DNAH14: variants seen among roughly 807,000 people sequenced by gnomAD.
The protein encoded by DNAH14 is dynein axonemal heavy chain 14.
DNAH14 carries 478 observed loss-of-function variants against 520.9 expected under a neutral mutation model. That is an observed-to-expected ratio of 0.92 (90% CI 0.85 to 0.99). The LOEUF (loss-of-function observed/expected upper bound fraction) is 0.99. Ranked by LOEUF, DNAH14 falls within the 50% of genes least tolerant of loss-of-function variation. The pLI is 0.00. For synonymous variants in DNAH14, 1,581 were observed against 1,757.2 expected, an observed-to-expected ratio of 0.90 and a Z score of 2.51; for missense variants, 4,831 against 5,234.5, an observed-to-expected ratio of 0.92 and a Z score of 2.38.
At chr1:225,179,099 T>G (rs931588858) in intron 36 of DNAH14, among the ~76,000 whole-genome samples, 14 of 152,222 alleles carry the variant, frequency 9.2e-5, no homozygotes, top group Non-Finnish European at 1.9e-4. Flanking sequence ...TGCCCAGTCT[T>G]GGATATGTCC....
intron 3 of DNAH14, among the ~76,000 whole-genome samples, chr1:224,959,421 T>C (rs2060711048): frequency 6.6e-6 from 1 of 152,180 alleles, no homozygotes; most frequent in Non-Finnish European, 1.5e-5. Flanking sequence ...TAAAACTTAC[T>C]GTTTATTTCA....
intron 1 of DNAH14, among the ~76,000 whole-genome samples, chr1:224,948,293 C>G (rs1419743688): frequency 6.6e-6 from 1 of 151,476 alleles, no homozygotes; most frequent in South Asian, 2.1e-4. Flanking sequence ...TTTTATTTTC[C>G]TGGCAAAATG....
Position 225,307,499 on chromosome 1 carries a change from C to A in DNAH14, c.9044C>A (p.Ala3015Glu). Residue 3015 changes from alanine to glutamate, a missense_variant, in exon 59 of 86, where the codon GCA becomes GAA. By Grantham distance (107) the Ala-to-Glu change is moderately radical (BLOSUM62 -1). Coordinates refer to ENST00000682510, the MANE Select transcript of DNAH14 (RefSeq NM_001367479.1). ...ATGGGTCTATCCACAATCCTGGAAGCAACCACTCTAGTTACAGAAATGCAA... is the reference window on the plus strand; with the variant it reads ...ATGGGTCTATCCACAATCCTGGAAGAAACCACTCTAGTTACAGAAATGCAA... ...FHMGLSTILE[A>E]TTLVTEMQEE... The A allele has an allele frequency of 6.5e-7, 1 of 1,548,194 alleles. No homozygotes were observed. Among genetic ancestry groups the A allele is most frequent in the Non-Finnish European group, 8.7e-7 (1 of 1,145,966 alleles).
intron 37 of DNAH14, among the ~76,000 whole-genome samples, chr1:225,186,263 A>G (rs916843082): frequency 6.6e-6 from 1 of 151,794 alleles, no homozygotes; most frequent in African/African-American, 2.4e-5. Context: ...TCGAGATTAT[A>G]CATGTAGTAG....
At chr1:224,964,720 C>A in intron 5 of DNAH14, 111 bp downstream of exon 5, 2 of 962,422 alleles carry the variant, frequency 2.1e-6, no homozygotes, top group Non-Finnish European at 2.9e-6. Context: ...ACATTAATAT[C>A]AAGTTACAAT....
intron 64 of DNAH14, among the ~76,000 whole-genome samples, chr1:225,327,546 C>T (rs1246266130): frequency 2.0e-5 from 3 of 152,036 alleles, no homozygotes; most frequent in African/African-American, 7.2e-5. Context: ...TCAAATGCAA[C>T]AACCAAAACA....
At chr1:225,174,353 T>C (rs2083077089) in intron 36 of DNAH14, among the ~76,000 whole-genome samples, 1 of 152,194 alleles carries the variant, frequency 6.6e-6, no homozygotes, top group Non-Finnish European at 1.5e-5. Flanking sequence ...CCTGTTTACT[T>C]TCTTTAATAA....
intron 8 of DNAH14, among the ~76,000 whole-genome samples, chr1:224,998,659 GT>G (rs1237399003): frequency 6.6e-6 from 1 of 152,108 alleles, no homozygotes; most frequent in Non-Finnish European, 1.5e-5. Flanking sequence ...TGTTGTTGTT[GT>G]TGTTGTTGTT....
intron 36 of DNAH14, among the ~76,000 whole-genome samples, chr1:225,170,304 A>C (rs1454361237): frequency 3.3e-5 from 5 of 152,192 alleles, no homozygotes; most frequent in African/African-American, 1.2e-4. Context: ...TGAATGCTCC[A>C]ATTAAAAGAC....
chr1:225,105,629 A>G (rs2075976985), intron 23 of DNAH14, among the ~76,000 whole-genome samples: 2 of 152,054 alleles, frequency 1.3e-5, no homozygotes, highest in South Asian at 2.1e-4. Flanking sequence ...TGATCCTTTT[A>G]CCATTTTGTA....
At position 225,023,606 on chromosome 1, in the gene DNAH14, A is replaced by C. The variant is rs1414555162; in HGVS notation, c.1108-9A>C. 30 of 1,497,664 alleles carry C rather than the reference A, an allele frequency of 2.0e-5. No individual in the cohort carries two copies. The highest frequency in any genetic ancestry group is 2.6e-5 in the Non-Finnish European group (29 of 1,118,842). 92.8% of individuals were successfully genotyped at this position (1,497,664 alleles called of 1,614,324 possible). ...AATACTTGTTTCTCAATTGTTTTTT[A>C]AATTGTAGGTTGCAGAAAAGAATGA... is the stretch of plus-strand genomic sequence containing the variant. On this transcript the variant is annotated splice_polypyrimidine_tract_variant and intron_variant, in intron 10 of 85. Transcript: ENST00000682510.
intron 10 of DNAH14, among the ~76,000 whole-genome samples, chr1:225,020,496 C>CAAAAAAAAA (rs57945282): frequency 1.2e-4 from 7 of 57,522 alleles, no homozygotes; most frequent in East Asian, 7.4e-4. Context: ...GGCTCTGTCT[C>CAAAAAAAAA]AAAAAAAAAA....
intron 71 of DNAH14, among the ~76,000 whole-genome samples, chr1:225,350,727 C>G (rs986958708): frequency 6.6e-6 from 1 of 151,052 alleles, no homozygotes; most frequent in Non-Finnish European, 1.5e-5. Flanking sequence ...ACACCAATAA[C>G]AAGGAGATTG....
intron 17 of DNAH14, among the ~76,000 whole-genome samples, chr1:225,073,622 G>A (rs2071820628): frequency 6.6e-6 from 1 of 152,092 alleles, no homozygotes; most frequent in Admixed American, 6.5e-5. Flanking sequence ...TGGGAGCTCT[G>A]TCTTAGGAAG....
intron 60 of DNAH14, among the ~76,000 whole-genome samples, chr1:225,311,576 G>A (rs1179979106): frequency 6.6e-6 from 1 of 152,288 alleles, no homozygotes; most frequent in Non-Finnish European, 1.5e-5. Flanking sequence ...GGTTTTTATG[G>A]TTTGGGGTCT....
intron 46 of DNAH14, 87 bp downstream of exon 46, chr1:225,259,340 A>G (rs2092851475): frequency 1.0e-6 from 1 of 984,028 alleles, no homozygotes. Flanking sequence ...TAAAAAAAGC[A>G]AATCTGTTAT....
rs1374844373 is a variant in DNAH14, at chr1:225,333,276, T to C, written c.9865-15T>C. On this transcript the variant is annotated splice_polypyrimidine_tract_variant and intron_variant, in intron 65 of 85. Transcript: ENST00000682510. ...TATTTTATATAGAATAACTCATTTCTATTTTAACATTTAGACTCGATGGCA... is the reference window on the plus strand; with the variant it reads ...TATTTTATATAGAATAACTCATTTCCATTTTAACATTTAGACTCGATGGCA... 1.4e-5 allele frequency: 21 copies of C among 1,533,626 alleles called. No homozygotes were observed. In the South Asian group the frequency reaches 2.5e-4, roughly 19 times the overall value.
chr1:225,069,737 A>G (rs1365965303), intron 17 of DNAH14, among the ~76,000 whole-genome samples: 1 of 152,130 alleles, frequency 6.6e-6, no homozygotes, highest in East Asian at 1.9e-4. Context: ...TGACTTAGGG[A>G]GGAGTCCTTC....
Position 225,002,774 on chromosome 1 carries a change from A to G in DNAH14, c.831-9A>G. 6.5e-7 allele frequency: 1 copy of G among 1,547,414 alleles called. No individual in the cohort carries two copies. The highest frequency in any genetic ancestry group is 1.4e-5 in the African/African-American group (1 of 72,822). On this transcript the variant is annotated splice_polypyrimidine_tract_variant and intron_variant, in intron 8 of 85. Transcript: ENST00000682510. The stretch of plus-strand genomic sequence containing the variant: ...AGAGATATATCTGTAGAAATTTTTT[A>G]ACTTTCAGGTCATTTTTGTACCACC...
Sources: gnomAD v4.1 joint callset for allele counts (sites outside exome capture counted in the v4.1 genomes callset) on GRCh38, gnomAD v4.1.1 for gene constraint, MANE v1.5 for transcripts, NCBI Gene and HGNC (gene_info 2026-07-23, HGNC 2026-07-21) for gene names.